MYO18A: variants seen among roughly 807,000 people sequenced by gnomAD.
MYO18A encodes the protein unconventional myosin-XVIIIa.
MYO18A carries 78 observed loss-of-function variants against 235.8 expected under a neutral mutation model. That is an observed-to-expected ratio of 0.33 (90% CI 0.28 to 0.40). The LOEUF (loss-of-function observed/expected upper bound fraction) is 0.40. MYO18A is among the 10% of genes least tolerant of loss of function. MYO18A has a pLI of 1.00. For synonymous variants in MYO18A, 977 were observed against 1,077.8 expected (o/e 0.91, Z 1.83); for missense variants, 2,215 against 2,699.3 (o/e 0.82, Z 3.98).
chr17:29,161,355 CAAAAAA>C lies in MYO18A; in HGVS notation c.999+4581_999+4586del, dbSNP rs1175565325. Among the ~76,000 whole-genome samples the C allele has an allele frequency of 6.5e-3, 327 of 50,332 alleles. 2 individuals are homozygous for C. Among genetic ancestry groups the C allele is most frequent in the African/African-American group, 0.02 (298 of 15,076 alleles). 33.0% of individuals were successfully genotyped at this position (50,332 alleles called of 152,430 possible). Reference sequence around the variant, plus strand: ...GGGTGACAAGAGTGAAACTCCATGTCAAAAAAAAAAAAAAAAAAAAAAATAGCCAGG... The same window carrying C: ...GGGTGACAAGAGTGAAACTCCATGTCAAAAAAAAAAAAAAAAATAGCCAGG... On this transcript the variant is annotated intron_variant, in intron 2 of 41. Transcript: ENST00000527372.
In MYO18A at chr17:29,120,005, A is replaced by G. The variant is rs1171214998; in HGVS notation, c.1729-570T>C. Among the ~76,000 whole-genome samples the G allele has an allele frequency of 6.6e-6, 1 of 152,126 alleles. No individual in the cohort carries two copies. The highest frequency in any genetic ancestry group is 2.4e-5 in the African/African-American group (1 of 41,418). On this transcript the variant is annotated intron_variant, in intron 7 of 41. Coordinates refer to ENST00000527372, the MANE Select transcript of MYO18A (RefSeq NM_078471.4). This position sits in a 1 kb window ranked among gnomAD's most constrained non-coding sequence, Gnocchi z 4.2. ...ACCCTCCCATTTCAGCCTCCCAAGT[A>G]GCTGGGACCACAGGCGTGCACTACC...
intron 26 of MYO18A, 27 bp downstream of exon 26, chr17:29,097,761 G>A (rs1345876187): frequency 6.3e-7 from 1 of 1,591,014 alleles, no homozygotes; most frequent in Admixed American, 1.7e-5. Flanking sequence ...GCGGGCCACT[G>A]CCGAGCTCCT....
chr17:29,112,948 G>A (rs1021342853), intron 15 of MYO18A, among the ~76,000 whole-genome samples: 1 of 152,194 alleles, frequency 6.6e-6, no homozygotes, highest in African/African-American at 2.4e-5. Flanking sequence ...TGGCACCGAG[G>A]GCCCCTTCCC....
chr17:29,167,085 G>T, intron 1 of MYO18A, 64 bp from the exon 2 acceptor site: 2 of 1,190,404 alleles, frequency 1.7e-6, no homozygotes, highest in Non-Finnish European at 1.1e-6. Context: ...CTCCAGTCCA[G>T]ACATAACCAA....
chr17:29,138,018 C>T (rs2067645707), intron 2 of MYO18A, among the ~76,000 whole-genome samples: 1 of 152,148 alleles, frequency 6.6e-6, no homozygotes, highest in Non-Finnish European at 1.5e-5. Context: ...AAGCCTCAGC[C>T]CCAGGAGGCT....
chr17:29,152,237 T>TA (rs1422292961), intron 2 of MYO18A, among the ~76,000 whole-genome samples: 1 of 152,218 alleles, frequency 6.6e-6, no homozygotes, highest in Non-Finnish European at 1.5e-5. Context: ...TGCTTAGTCC[T>TA]AATCTAAATG....
intron 21 of MYO18A, among the ~76,000 whole-genome samples, chr17:29,102,076 C>G (rs1218198579): frequency 6.6e-6 from 1 of 152,206 alleles, no homozygotes; most frequent in African/African-American, 2.4e-5. Context: ...CCTGAACTTT[C>G]TTTCCCAAAC....
At chr17:29,152,475 T>G (rs1041773918) in intron 2 of MYO18A, among the ~76,000 whole-genome samples, 1 of 152,104 alleles carries the variant, frequency 6.6e-6, no homozygotes, top group Non-Finnish European at 1.5e-5. Flanking sequence ...GCCAAAGCAA[T>G]CCCTCGCTAA....
rs1051964743 is a variant in MYO18A at position 29,115,587 on chromosome 17, C to T, written c.2227+77G>A. The T allele has an allele frequency of 4.0e-6, 6 of 1,496,940 alleles. No homozygotes were observed. In the East Asian group the frequency reaches 7.2e-5, roughly 18 times the overall value. 92.7% of individuals were successfully genotyped at this position (1,496,940 alleles called of 1,614,324 possible). A position where few individuals can be genotyped will look rare whatever the true frequency, so the allele number is the denominator to read the frequency against. On this transcript the variant is annotated intron_variant, in intron 12 of 41. Transcript: ENST00000527372. ...GAGCATCTGTTCACTCCAGCAGTCC[C>T]CTCCCGCCCCAGGGATGGCAGCAAG...
rs2067319371 is a variant in MYO18A at position 29,126,299 on chromosome 17, AG to A, written c.1000-4047del. Among the ~76,000 whole-genome samples the A allele has an allele frequency of 6.8e-6, 1 of 147,478 alleles. No homozygotes were observed. The highest frequency in any genetic ancestry group is 2.5e-5 in the African/African-American group (1 of 40,402). Reference sequence around the variant, plus strand: ...CAGCTCCCATCTCCTCCCTTGTGAGAGGAGGAGGGACGGGGAGGAGGGACGG... The same window carrying A: ...CAGCTCCCATCTCCTCCCTTGTGAGAGAGGAGGGACGGGGAGGAGGGACGG... On this transcript the variant is annotated intron_variant, in intron 2 of 41. Transcript: ENST00000527372. The surrounding 1 kb of genome is among the most constrained non-coding windows in gnomAD (Gnocchi z 4.1).
intron 2 of MYO18A, among the ~76,000 whole-genome samples, chr17:29,137,607 G>C (rs1049279346): frequency 3.3e-5 from 5 of 152,110 alleles, no homozygotes; most frequent in Admixed American, 6.5e-5. Flanking sequence ...GAAAAAAAAC[G>C]CAAAGATTTT....
chr17:29,097,747 C>A lies in MYO18A; in HGVS notation c.4102+41G>T. ...ACCCAGGGGTGGGCATCAGGGCTCG[C>A]ATTGCGGGCCACTGCCGAGCTCCTT... On this transcript the variant is annotated intron_variant, in intron 26 of 41. Coordinates refer to ENST00000527372, the MANE Select transcript of MYO18A (RefSeq NM_078471.4). The A allele has an allele frequency of 1.9e-6, 3 of 1,557,116 alleles. 1 individual carries two copies. In the South Asian group the frequency reaches 3.5e-5, roughly 18 times the overall value.
chr17:29,111,470 T>G lies in MYO18A; in HGVS notation c.2854A>C (p.Asn952His). 1.2e-6 allele frequency: 2 copies of G among 1,612,472 alleles called. No individual in the cohort carries two copies. Among genetic ancestry groups the G allele is most frequent in the South Asian group, 1.1e-5 (1 of 90,706 alleles). The change falls in exon 17 of 42, where the codon AAC becomes CAC. Residue 952 changes from asparagine to histidine, a missense_variant. Coordinates refer to ENST00000527372, the MANE Select transcript of MYO18A (RefSeq NM_078471.4). The surrounding 1 kb of genome is among the most constrained non-coding windows in gnomAD (Gnocchi z 5.1). ...VTGWLNYTKQ[N>H]PATQNAPRLL... ...CGGGGGGCATTCTGGGTGGCTGGGT[T>G]CTGCTTGGTGTAGTTCAGCCAGCCA... is the stretch of plus-strand genomic sequence containing the variant.
At chr17:29,081,072 TGAGA>T (rs200948129) in intron 41 of MYO18A, 17 of 843,538 alleles carry the variant, frequency 2.0e-5, no homozygotes, top group Non-Finnish European at 2.3e-5. Context: ...AGAGGGAGGT[TGAGA>T]GAGAGAGAGG....
chr17:29,098,007 G>A, intron 25 of MYO18A, 98 bp downstream of exon 25: 1 of 1,577,054 alleles, frequency 6.3e-7, no homozygotes, highest in South Asian at 1.2e-5. Flanking sequence ...GGGATGCTGG[G>A]CTAGGGGTGA....
Position 29,098,404 on chromosome 17 carries a change from C to T in MYO18A, c.3822G>A (p.Glu1274=). ...QQLRSKLEKA[E]KERNELRLNS... is the part of the protein sequence containing the mutation. Reference sequence around the variant, plus strand: ...TGAGCCGCAGCTCGTTCCTCTCCTTCTCCGCCTTCTCGAGCTTGCTCCGCA... The same window carrying T: ...TGAGCCGCAGCTCGTTCCTCTCCTTTTCCGCCTTCTCGAGCTTGCTCCGCA... The change falls in exon 24 of 42, where the codon GAG becomes GAA. Residue 1274 remains glutamate, a synonymous_variant. Transcript: ENST00000527372. 2 of 1,613,976 alleles carry T rather than the reference C, an allele frequency of 1.2e-6. No individual in the cohort carries two copies. The highest frequency in any genetic ancestry group is 1.7e-6 in the Non-Finnish European group (2 of 1,179,890).
At chr17:29,136,250 AATAT>A (rs1247592713) in intron 2 of MYO18A, among the ~76,000 whole-genome samples, 9,461 of 81,848 alleles carry the variant, frequency 0.12, 375 homozygotes, top group Non-Finnish European at 0.15. Context: ...AAAAAAAAAA[AATAT>A]ATATATATAT....
chr17:29,080,420 C>T (rs1401994695), intron 41 of MYO18A: 11 of 986,084 alleles, frequency 1.1e-5, no homozygotes, highest in Non-Finnish European at 1.2e-5. Flanking sequence ...GAGCAGGCCT[C>T]GCTCAGGGCC....
chr17:29,092,144 G>A (rs761125466), intron 34 of MYO18A, among the ~76,000 whole-genome samples, 199 bp downstream of exon 34: 23 of 152,278 alleles, frequency 1.5e-4, no homozygotes, highest in Admixed American at 1.2e-3. Context: ...TCTTCTGCCC[G>A]CTCCTCCCCG....
Sources: allele counts gnomAD v4.1 joint callset (sites outside exome capture counted in the v4.1 genomes callset), GRCh38; gene constraint gnomAD v4.1.1; non-coding constraint Gnocchi (gnomAD v3.1); transcripts MANE v1.5; gene names NCBI Gene and HGNC (gene_info 2026-07-23, HGNC 2026-07-21).